UBA6: variants seen among roughly 807,000 people sequenced by gnomAD.
UBA6 encodes ubiquitin-like modifier-activating enzyme 6.
UBA6 carries 87 observed loss-of-function variants against 148.3 expected under a neutral mutation model. The ratio of observed to expected loss-of-function variants is 0.59; its 90% CI spans 0.49 to 0.70. The LOEUF (loss-of-function observed/expected upper bound fraction) is 0.70. Among genes scored for constraint, UBA6 ranks in the 30% least tolerant of loss-of-function variants. UBA6 has a pLI of 0.00. For missense variants in UBA6, 1,186 were observed against 1,241.2 expected (o/e 0.96, Z 0.67); for synonymous variants, 376 against 401.0 (o/e 0.94, Z 0.75).
At chr4:67,690,570 G>A (rs1371213101) in intron 2 of UBA6, among the ~76,000 whole-genome samples, 1 of 151,954 alleles carries the variant, frequency 6.6e-6, no homozygotes, top group Non-Finnish European at 1.5e-5. Context: ...AATATCCAAA[G>A]GAATGCCTAT....
chr4:67,645,995 T>C lies in UBA6; in HGVS notation c.1338A>G (p.Leu446=). 1 of 1,584,406 alleles carries C rather than the reference T, an allele frequency of 6.3e-7. No individual in the cohort carries two copies. The highest frequency in any genetic ancestry group is 8.6e-7 in the Non-Finnish European group (1 of 1,163,572). The stretch of plus-strand genomic sequence containing the variant: ...ACAAAGTGTCTCCAATGCAAGCTCT[T>C]AAGGCATCATATCTATCTCCTCTGA... ...FLPRGDRYDA[L]RACIGDTLCQ... Residue 446 remains leucine (L), a synonymous_variant, in exon 16 of 33, where the codon TTA becomes TTG. Coordinates refer to ENST00000322244, the MANE Select transcript of UBA6 (RefSeq NM_018227.6).
chr4:67,671,465 C>G (rs1227870826), intron 7 of UBA6, among the ~76,000 whole-genome samples: 1 of 149,870 alleles, frequency 6.7e-6, no homozygotes. Context: ...AGACATAAAA[C>G]TGGGCAGAAA....
intron 2 of UBA6, among the ~76,000 whole-genome samples, chr4:67,686,954 A>T (rs1284693088): frequency 4.2e-5 from 2 of 48,002 alleles, no homozygotes; most frequent in Non-Finnish European, 9.5e-5. Context: ...CCTGTCTCTA[A>T]AAAAAAAAAA....
At chr4:67,624,275 G>C (rs752724721) in intron 29 of UBA6, 22 bp from the exon 30 acceptor site, 1 of 1,581,904 alleles carries the variant, frequency 6.3e-7, no homozygotes, top group African/African-American at 1.4e-5. Context: ...AAGGTGATCT[G>C]ATAATATAAA....
rs770983626 is a variant in UBA6 at position 67,619,068 on chromosome 4, G to C, written c.3088C>G (p.Pro1030Ala). The change falls in exon 33 of 33, where the codon CCA (proline) becomes GCA (alanine). Residue 1030 changes from proline to alanine, a missense_variant. Coordinates refer to ENST00000322244, the MANE Select transcript of UBA6 (RefSeq NM_018227.6). ...AAATCTTCATCTCCATCAATGTCTG[G>C]AGCAAATGACACAGTAAGATCCACA... The part of the protein sequence containing the change: ...KYVDLTVSFA[P>A]DIDGDEDLPG... 2.5e-6 allele frequency: 4 copies of C among 1,612,972 alleles called. No homozygotes were observed. The highest frequency in any genetic ancestry group is 3.4e-6 in the Non-Finnish European group (4 of 1,179,038).
chr4:67,633,238 G>T, intron 23 of UBA6, 107 bp downstream of exon 23: 1 of 1,008,316 alleles, frequency 9.9e-7, no homozygotes, highest in Non-Finnish European at 1.4e-6. Flanking sequence ...TTTCTGAAAA[G>T]CTTGCCAAAA....
chr4:67,638,816 T>C, intron 19 of UBA6, 127 bp downstream of exon 19: 1 of 613,646 alleles, frequency 1.6e-6, no homozygotes, highest in Non-Finnish European at 2.8e-6. Flanking sequence ...GGGTTTGTGT[T>C]TGAGGAGTAC....
At chr4:67,636,488 C>T (rs549966624) in intron 19 of UBA6, among the ~76,000 whole-genome samples, 2 of 152,344 alleles carry the variant, frequency 1.3e-5, no homozygotes, top group East Asian at 1.9e-4. Flanking sequence ...CTGCAACCTC[C>T]CTGCCTGATT....
In UBA6 at chr4:67,616,901, T is replaced by C. The variant is rs1468212883; in HGVS notation, c.*2096A>G. 1 of 152,084 alleles carries C rather than the reference T, an allele frequency of 6.6e-6. No individual in the cohort carries two copies. Among genetic ancestry groups the C allele is most frequent in the East Asian group, 1.9e-4 (1 of 5,196 alleles). The allele number at this position is 152,084 out of a possible 1,614,324, so 9.4% of individuals were successfully genotyped here. A position where few individuals can be genotyped will look rare whatever the true frequency, so the allele number is the denominator to read the frequency against. The stretch of plus-strand genomic sequence containing the variant: ...ATTTTTGCACCTGGTATTTCAGTCA[T>C]CAACAGCAATCTCATGGTACAGAAA... On this transcript the variant is annotated 3_prime_UTR_variant, in exon 33 of 33. Transcript: ENST00000322244.
At position 67,673,732 on chromosome 4, in the gene UBA6, TG is replaced by T; in HGVS notation, c.510del (p.Asn171MetfsTer36). 6.2e-7 allele frequency: 1 copy of T among 1,612,232 alleles called. No homozygotes were observed. The highest frequency in any genetic ancestry group is 8.5e-7 in the Non-Finnish European group (1 of 1,178,700). ...TEMKLPLQKKINDFCRSQCPP... is the reference protein window; with the variant it reads ...TEMKLPLQKKXNDFCRSQCPP... ...GGGCACTGAGAACGGCAAAAGTCAT[TG>T]ATCTTCTTCTGCAATGGAAGTTTCA... is the stretch of plus-strand genomic sequence containing the variant. On this transcript the variant is annotated frameshift_variant, in exon 7 of 33. Coordinates refer to ENST00000322244, the MANE Select transcript of UBA6 (RefSeq NM_018227.6). LOFTEE classifies it high-confidence loss of function.
chr4:67,678,622 A>AT, intron 4 of UBA6, 89 bp from the exon 5 acceptor site: 1 of 543,504 alleles, frequency 1.8e-6, no homozygotes, highest in South Asian at 3.9e-5. Context: ...TAGAACTATT[A>AT]TTTTGTGTAA....
intron 20 of UBA6, among the ~76,000 whole-genome samples, chr4:67,635,249 T>C (rs965973759): frequency 2.6e-5 from 4 of 152,026 alleles, no homozygotes; most frequent in Non-Finnish European, 5.9e-5. Context: ...AACAGAAGAA[T>C]AATGCTCCAG....
At chr4:67,622,503 AT>A (rs750854675) in intron 32 of UBA6, among the ~76,000 whole-genome samples, 35 of 152,216 alleles carry the variant, frequency 2.3e-4, no homozygotes, top group Non-Finnish European at 4.1e-4. Context: ...TTAAACAATA[AT>A]TTGTTGAATA....
chr4:67,620,984 T>C (rs1728737185), intron 32 of UBA6, among the ~76,000 whole-genome samples: 1 of 152,286 alleles, frequency 6.6e-6, no homozygotes, highest in Non-Finnish European at 1.5e-5. Flanking sequence ...AATAAATACT[T>C]GCTAAAAGGT....
Position 67,626,379 on chromosome 4 carries a change from TA to T in UBA6, c.2498del (p.Leu833TyrfsTer27). 1 of 1,609,696 alleles carries T rather than the reference TA, an allele frequency of 6.2e-7. No individual in the cohort carries two copies. The highest frequency in any genetic ancestry group is 8.5e-7 in the Non-Finnish European group (1 of 1,176,896). On this transcript the variant is annotated frameshift_variant, in exon 28 of 33. Transcript: ENST00000322244. LOFTEE classifies it high-confidence loss of function. ...CCTTACTTTTGGTGGCTTCATTAGATAAAATAGCCTTTTCTAGTTGGAAAAT... is the reference window on the plus strand; with the variant it reads ...CCTTACTTTTGGTGGCTTCATTAGATAAATAGCCTTTTCTAGTTGGAAAAT... ...NAIFQLEKAI[L>X]SNEATKSDLQ...
intron 1 of UBA6, among the ~76,000 whole-genome samples, chr4:67,700,503 G>A (rs925989590): frequency 6.6e-6 from 1 of 151,172 alleles, no homozygotes; most frequent in Non-Finnish European, 1.5e-5. Context: ...AATAAGAATG[G>A]GTAACTTGTG....
intron 19 of UBA6, chr4:67,638,425 C>A: frequency 6.2e-6 from 1 of 162,266 alleles, no homozygotes; most frequent in South Asian, 1.7e-4. Flanking sequence ...CCACCATGCT[C>A]ACGTTTCCTC....
chr4:67,678,317 C>A, intron 5 of UBA6, 122 bp downstream of exon 5: 2 of 457,072 alleles, frequency 4.4e-6, no homozygotes, highest in South Asian at 7.6e-5. Context: ...AATATCTTTA[C>A]CTGTATAAAG....
intron 2 of UBA6, among the ~76,000 whole-genome samples, chr4:67,689,926 G>C (rs1041882348): frequency 2.6e-5 from 4 of 152,058 alleles, no homozygotes; most frequent in Admixed American, 1.3e-4. Context: ...GTCTGACAGA[G>C]TTGACATACA....
Sources: allele counts gnomAD v4.1 joint callset (sites outside exome capture counted in the v4.1 genomes callset), GRCh38; gene constraint gnomAD v4.1.1; transcripts MANE v1.5; gene names NCBI Gene and HGNC (gene_info 2026-07-23, HGNC 2026-07-21).